Variants in GRID2 observed in about 807,000 individuals in gnomAD.
GRID2 encodes the protein glutamate ionotropic receptor delta type subunit 2.
GRID2 carries 33 observed loss-of-function variants against 114.8 expected under a neutral mutation model. The observed-to-expected ratio is 0.29, with a 90% CI of 0.22 to 0.38. The LOEUF is 0.38. Ranked by LOEUF, GRID2 falls within the 10% of genes least tolerant of loss-of-function variation. The probability of loss-of-function intolerance (pLI) is 1.00; values close to 1 mark genes in which losing one functional copy is unlikely to be tolerated. For synonymous variants in GRID2, 505 were observed against 449.9 expected, an observed-to-expected ratio of 1.12 and a Z score of -1.55; for missense variants, 1,184 against 1,257.7, an observed-to-expected ratio of 0.94 and a Z score of 0.89.
At chr4:92,794,080 A>G (rs1462466385) in intron 2 of GRID2, among the ~76,000 whole-genome samples, 1 of 151,870 alleles carries the variant, frequency 6.6e-6, no homozygotes, top group East Asian at 1.9e-4. Flanking sequence ...AAAAAGTAAC[A>G]TAAGAGACAA....
intron 14 of GRID2, among the ~76,000 whole-genome samples, chr4:93,703,971 T>A (rs1167677360): frequency 6.6e-6 from 1 of 152,200 alleles, no homozygotes; most frequent in East Asian, 1.9e-4. Context: ...TGCATGTGTC[T>A]TTATAGCAGC....
intron 2 of GRID2, among the ~76,000 whole-genome samples, chr4:92,927,287 G>A (rs1237989013): frequency 6.6e-6 from 1 of 151,812 alleles, no homozygotes; most frequent in Non-Finnish European, 1.5e-5. Context: ...AAAGAACTGT[G>A]AATCTGATGT....
chr4:92,744,227 C>T (rs975263846), intron 2 of GRID2, among the ~76,000 whole-genome samples: 3 of 152,114 alleles, frequency 2.0e-5, no homozygotes, highest in Non-Finnish European at 2.9e-5. Flanking sequence ...GGCACGGTGG[C>T]TGACATCTGT....
chr4:92,888,202 T>A (rs1289803475), intron 2 of GRID2, among the ~76,000 whole-genome samples: 1 of 152,260 alleles, frequency 6.6e-6, no homozygotes, highest in South Asian at 2.1e-4. Flanking sequence ...ATCTATTGTT[T>A]AAAACTGTCA....
At chr4:92,794,406 C>T (rs1192525480) in intron 2 of GRID2, among the ~76,000 whole-genome samples, 2 of 151,824 alleles carry the variant, frequency 1.3e-5, no homozygotes, top group Admixed American at 6.6e-5. Context: ...ATAGTTTATA[C>T]ATTATCTCTT....
chr4:93,495,462 G>A (rs747048877), intron 12 of GRID2, among the ~76,000 whole-genome samples: 1 of 151,732 alleles, frequency 6.6e-6, no homozygotes, highest in Admixed American at 6.6e-5. Flanking sequence ...TGGAGACAGA[G>A]GGAAGGATAG....
At chr4:93,128,031 A>C (rs1295569975) in intron 4 of GRID2, among the ~76,000 whole-genome samples, 5 of 129,634 alleles carry the variant, frequency 3.9e-5, no homozygotes, top group African/African-American at 1.3e-4. Flanking sequence ...CCGCAACAAA[A>C]AAAAAAAAAA....
intron 2 of GRID2, among the ~76,000 whole-genome samples, chr4:92,676,121 A>T (rs970920320): frequency 2.0e-5 from 3 of 147,158 alleles, no homozygotes; most frequent in African/African-American, 7.6e-5. Context: ...CAGTATTTAA[A>T]TCAGTTCATA....
At chr4:93,101,439 C>A (rs1731698215) in intron 3 of GRID2, among the ~76,000 whole-genome samples, 1 of 151,958 alleles carries the variant, frequency 6.6e-6, no homozygotes, top group African/African-American at 2.4e-5. Context: ...CTTCTTGGCC[C>A]CTGGTCATCA....
At chr4:93,223,488 T>A (rs1325446311) in intron 6 of GRID2, among the ~76,000 whole-genome samples, 1 of 152,168 alleles carries the variant, frequency 6.6e-6, no homozygotes, top group Non-Finnish European at 1.5e-5. Flanking sequence ...AGCCAAAGCT[T>A]AGTACCATCC....
chr4:92,305,284 C>T (rs1012041783), intron 1 of GRID2, among the ~76,000 whole-genome samples: 8 of 152,258 alleles, frequency 5.3e-5, no homozygotes, highest in African/African-American at 1.9e-4. Context: ...GATGCGCCCC[C>T]AGCCACCCTC....
intron 8 of GRID2, among the ~76,000 whole-genome samples, chr4:93,298,803 CA>C (rs1439680193): frequency 6.6e-6 from 1 of 152,208 alleles, no homozygotes; most frequent in Non-Finnish European, 1.5e-5. Context: ...GTAACTTTCA[CA>C]TTAACTTTTG....
At chr4:93,470,540 T>C (rs1724702544) in intron 11 of GRID2, among the ~76,000 whole-genome samples, 1 of 152,166 alleles carries the variant, frequency 6.6e-6, no homozygotes. Context: ...TACTAGTTTA[T>C]AGCTCAGGTG....
At chr4:93,185,464 A>G (rs553755173) in intron 4 of GRID2, among the ~76,000 whole-genome samples, 1 of 152,314 alleles carries the variant, frequency 6.6e-6, no homozygotes, top group East Asian at 1.9e-4. Context: ...CAATTTTTCA[A>G]TCTGCATACA....
chr4:92,691,974 T>C (rs931787791), intron 2 of GRID2, among the ~76,000 whole-genome samples: 1 of 152,202 alleles, frequency 6.6e-6, no homozygotes, highest in East Asian at 1.9e-4. Context: ...TTTTGTGAGA[T>C]GGGAAAAGAA....
chr4:93,678,886 C>G (rs1252425924), intron 14 of GRID2, among the ~76,000 whole-genome samples: 1 of 149,704 alleles, frequency 6.7e-6, no homozygotes, highest in Admixed American at 6.6e-5. Flanking sequence ...GCAAAATAAC[C>G]AGCTAACATC....
chr4:92,312,803 A>T (rs1407382668), intron 1 of GRID2, among the ~76,000 whole-genome samples: 3 of 152,066 alleles, frequency 2.0e-5, no homozygotes, highest in African/African-American at 7.2e-5. Context: ...GTTGGCATGG[A>T]TGTGGCAGTC....
intron 2 of GRID2, among the ~76,000 whole-genome samples, chr4:92,805,611 T>G (rs1346922937): frequency 1.3e-5 from 2 of 151,992 alleles, no homozygotes; most frequent in African/African-American, 4.8e-5. Flanking sequence ...TCTCTTGATC[T>G]CTAAAAATCC....
At chr4:92,577,582 CTGTT>C (rs1209005515) in intron 1 of GRID2, among the ~76,000 whole-genome samples, 12 of 152,212 alleles carry the variant, frequency 7.9e-5, no homozygotes, top group African/African-American at 2.6e-4. Context: ...GGAAGAGTAA[CTGTT>C]TGGCATTGTT....
Sources: gnomAD v4.1 joint callset for allele counts (sites outside exome capture counted in the v4.1 genomes callset) on GRCh38, gnomAD v4.1.1 for gene constraint, MANE v1.5 for transcripts, NCBI Gene and HGNC (gene_info 2026-07-23, HGNC 2026-07-21) for gene names.